The following PDE3B variants were observed in gnomAD, a reference collection of about 807,000 sequenced individuals.
PDE3B encodes cGMP-inhibited 3',5'-cyclic phosphodiesterase 3B.
A neutral mutation model predicts 116.8 loss-of-function variants in PDE3B; 66 were observed. That is an observed-to-expected ratio of 0.56 (90% confidence interval 0.46 to 0.69). The LOEUF (loss-of-function observed/expected upper bound fraction) is 0.69. Ranked by LOEUF, PDE3B falls within the 30% of genes least tolerant of loss-of-function variation. The probability of loss-of-function intolerance (pLI) is 0.00; values close to 1 mark genes in which losing one functional copy is unlikely to be tolerated. For missense variants in PDE3B, 1,384 were observed against 1,368.1 expected, an observed-to-expected ratio of 1.01 and a Z score of -0.18; for synonymous variants, 595 against 533.6, an observed-to-expected ratio of 1.12 and a Z score of -1.59.
intron 11 of PDE3B, among the ~76,000 whole-genome samples, chr11:14,841,753 C>T (rs1477814649): frequency 3.3e-5 from 1 of 29,876 alleles, no homozygotes; most frequent in African/African-American, 1.3e-4. Flanking sequence ...TGGTCTAGAA[C>T]TCCTGAGCTC....
chr11:14,715,343 C>T lies in PDE3B; in HGVS notation c.979-56594C>T, dbSNP rs895814026. ...GGGATGGCATTGGATCTATAAATTA[C>T]CTTGGGCAGTATGGCCATTTTCACG... On this transcript the variant is annotated intron_variant, in intron 1 of 15. Transcript: ENST00000282096. Among the ~76,000 whole-genome samples the T allele has an allele frequency of 7.9e-5, 12 of 152,170 alleles. No individual in the cohort carries two copies. In the East Asian group the frequency reaches 2.1e-3, roughly 27 times the overall value.
chr11:14,687,564 C>G (rs1004882734), intron 1 of PDE3B, among the ~76,000 whole-genome samples: 66 of 152,026 alleles, frequency 4.3e-4, no homozygotes, highest in African/African-American at 1.6e-3. Flanking sequence ...TTTCTGTCAC[C>G]CAAGGGTATT....
intron 4 of PDE3B, among the ~76,000 whole-genome samples, chr11:14,790,324 C>G (rs2133920190): frequency 6.7e-6 from 1 of 149,338 alleles, no homozygotes; most frequent in South Asian, 2.1e-4. Context: ...GCCTGAACAT[C>G]ATAGTCTTTT....
rs1272891253 is a variant in PDE3B, at chr11:14,786,559, T to A, written c.1152T>A (p.Ser384Arg). 2 of 1,613,332 alleles carry A rather than the reference T, an allele frequency of 1.2e-6. No individual in the cohort carries two copies. The highest frequency in any genetic ancestry group is 1.7e-6 in the Non-Finnish European group (2 of 1,179,430). The change falls in exon 3 of 16, where the codon AGT becomes AGA. Residue 384 changes from serine (S) to arginine (R), a missense_variant. Coordinates refer to ENST00000282096, the MANE Select transcript of PDE3B (RefSeq NM_000922.4). The part of the protein sequence containing the change: ...PQVISSLRSI[S>R]SLMGAFSGSC... ...TCATTTCCTCTCTACGGAGTATTAG[T>A]AGCTTAATGGGTGCTTTCTCAGGTT...
At position 14,859,065 on chromosome 11, in the gene PDE3B, C is replaced by T. The variant is rs782763705; in HGVS notation, c.2543C>T (p.Ser848Phe). ...TAGGCAGTTTTATACAATGACAGAT[C>T]TGTTCTGGAAAATCATCATGCTGCG... ...APQAVLYNDR[S>F]VLENHHAASA... Residue 848 changes from serine (S) to phenylalanine (F), a missense_variant, in exon 13 of 16, where the codon TCT (serine) becomes TTT (phenylalanine). This residue lies in a region of PDE3B where 428 missense variants were observed against 561.4 expected (regional missense o/e 0.76). Transcript: ENST00000282096. The T allele has an allele frequency of 6.8e-6, 11 of 1,612,526 alleles. No homozygotes were observed. The highest frequency in any genetic ancestry group is 8.5e-6 in the Non-Finnish European group (10 of 1,179,186).
intron 1 of PDE3B, among the ~76,000 whole-genome samples, chr11:14,708,145 G>C (rs1486265200): frequency 2.0e-5 from 3 of 152,020 alleles, no homozygotes; most frequent in African/African-American, 7.2e-5. Flanking sequence ...ACTTCCATTG[G>C]GGGTGAGTGA....
At chr11:14,756,742 C>T (rs927041762) in intron 1 of PDE3B, among the ~76,000 whole-genome samples, 1 of 151,886 alleles carries the variant, frequency 6.6e-6, no homozygotes, top group Admixed American at 6.6e-5. Context: ...AGTGCATGAG[C>T]AATCTGGACT....
chr11:14,664,529 TAAAG>T (rs150641453), intron 1 of PDE3B, among the ~76,000 whole-genome samples: 53,178 of 150,936 alleles, frequency 0.35, 10,514 homozygotes, highest in South Asian at 0.46. Context: ...ACAAGACTAA[TAAAG>T]AAGAAAAGAG....
intron 1 of PDE3B, among the ~76,000 whole-genome samples, chr11:14,690,791 A>G (rs1221095172): frequency 1.3e-5 from 2 of 152,148 alleles, no homozygotes; most frequent in African/African-American, 4.8e-5. Flanking sequence ...TTGGCAATTC[A>G]GGGATTATTG....
intron 1 of PDE3B, among the ~76,000 whole-genome samples, chr11:14,700,175 T>G (rs1269026817): frequency 6.6e-6 from 1 of 151,782 alleles, no homozygotes; most frequent in Non-Finnish European, 1.5e-5. Flanking sequence ...GGTTAACATG[T>G]GGCTGCTAAT....
intron 1 of PDE3B, chr11:14,700,769 G>C (rs1359689515): frequency 2.6e-5 from 4 of 151,666 alleles, no homozygotes; most frequent in Non-Finnish European, 5.9e-5. Context: ...TTCCTTTTCT[G>C]CACTGTATCA....
At chr11:14,843,320 G>T (rs1285628284) in intron 11 of PDE3B, among the ~76,000 whole-genome samples, 2 of 152,214 alleles carry the variant, frequency 1.3e-5, no homozygotes, top group East Asian at 3.8e-4. Flanking sequence ...ACAAAAGGGA[G>T]ATAAGGAGTT....
chr11:14,816,051 T>C (rs1859321049), intron 5 of PDE3B, among the ~76,000 whole-genome samples: 1 of 151,476 alleles, frequency 6.6e-6, no homozygotes, highest in Non-Finnish European at 1.5e-5. Flanking sequence ...AAGTAGGAAG[T>C]TTTCAGGACA....
At position 14,685,246 on chromosome 11, in the gene PDE3B, G is replaced by A. The variant is rs142454034; in HGVS notation, c.978+40193G>A. On this transcript the variant is annotated intron_variant, in intron 1 of 15. Transcript: ENST00000282096. ...TCTTCACAATTTATGTTCCTCTGCC[G>A]CAGCTCCAGCCGGTCCCTCCGTTCA... Among the ~76,000 whole-genome samples, 263 of 151,970 alleles carry A rather than the reference G, an allele frequency of 1.7e-3. 1 individual carries two copies. The highest frequency in any genetic ancestry group is 6.0e-3 in the African/African-American group (248 of 41,470).
chr11:14,696,680 T>C (rs560441315), intron 1 of PDE3B, among the ~76,000 whole-genome samples: 1 of 152,252 alleles, frequency 6.6e-6, no homozygotes, highest in Admixed American at 6.5e-5. Context: ...AGTAATTCTT[T>C]ATATTATGTA....
chr11:14,687,247 C>G (rs753552703), intron 1 of PDE3B, among the ~76,000 whole-genome samples: 12 of 152,036 alleles, frequency 7.9e-5, no homozygotes, highest in Non-Finnish European at 1.6e-4. Context: ...ATTACTTTAT[C>G]AGGTAGGGAA....
intron 12 of PDE3B, among the ~76,000 whole-genome samples, chr11:14,853,947 C>T (rs1271115175): frequency 2.0e-5 from 3 of 152,108 alleles, no homozygotes; most frequent in African/African-American, 4.8e-5. Context: ...GTTTTGTCTT[C>T]CAAAATATGG....
intron 5 of PDE3B, among the ~76,000 whole-genome samples, chr11:14,815,951 A>ACG (rs1859314263): frequency 6.6e-6 from 1 of 151,092 alleles, no homozygotes; most frequent in East Asian, 2.0e-4. Context: ...ACACACACAC[A>ACG]CACACACACA....
At chr11:14,845,994 C>T (rs1275169983) in intron 12 of PDE3B, among the ~76,000 whole-genome samples, 1 of 152,080 alleles carries the variant, frequency 6.6e-6, no homozygotes, top group Non-Finnish European at 1.5e-5. Flanking sequence ...GAGAACGCCA[C>T]AAAGATACTC....
Sources: allele counts gnomAD v4.1 joint callset (sites outside exome capture counted in the v4.1 genomes callset), GRCh38; gene constraint gnomAD v4.1.1; regional missense constraint gnomAD v4.1.1; transcripts MANE v1.5; gene names NCBI Gene and HGNC (gene_info 2026-07-23, HGNC 2026-07-21).